Variants in GNPDA2 observed in about 807,000 individuals in gnomAD.
GNPDA2 encodes glucosamine-6-phosphate deaminase 2, also known as glcN6P deaminase 2.
Under a neutral mutation model 27.0 loss-of-function variants are expected in GNPDA2, and 24 were observed. The observed-to-expected ratio is 0.89, with a 90% confidence interval of 0.64 to 1.25. The LOEUF is 1.25. Among genes scored for constraint, GNPDA2 ranks in the 50% most tolerant of loss-of-function variants. The pLI is 0.00. For synonymous variants in GNPDA2, 94 were observed against 108.4 expected (o/e 0.87, Z 0.83); for missense variants, 286 against 335.1 (o/e 0.85, Z 1.14).
At chr4:44,703,650 G>C (rs1716411399) in intron 6 of GNPDA2, 1 of 983,756 alleles carries the variant, frequency 1.0e-6, no homozygotes, top group Non-Finnish European at 1.2e-6. Flanking sequence ...TCTACACTGA[G>C]GGAGGGTTAC....
chr4:44,704,876 A>T (rs921336010), intron 6 of GNPDA2: 1 of 983,606 alleles, frequency 1.0e-6, no homozygotes, highest in African/African-American at 1.7e-5. Context: ...ATTCATGATG[A>T]TGATGTCATA....
chr4:44,702,897 T>A lies in GNPDA2; in HGVS notation c.*184A>T, dbSNP rs574680537. The A allele has an allele frequency of 3.5e-6, 5 of 1,413,956 alleles. No homozygotes were observed. In the African/African-American group the frequency reaches 7.4e-5, roughly 21 times the overall value. The allele number at this position is 1,413,956 out of a possible 1,614,324, so 87.6% of individuals were successfully genotyped here. A position where few individuals can be genotyped will look rare whatever the true frequency, so the allele number is the denominator to read the frequency against. ...CAGTCAATCTTGAGAGCCAGCTACT[T>A]CTCTTAAACCCAAGTACAAGATATA... is the stretch of plus-strand genomic sequence containing the variant. On this transcript the variant is annotated 3_prime_UTR_variant, in exon 7 of 7. Transcript: ENST00000295448.
At chr4:44,723,967 G>A (rs1717844525) in intron 1 of GNPDA2, among the ~76,000 whole-genome samples, 1 of 152,188 alleles carries the variant, frequency 6.6e-6, no homozygotes, top group African/African-American at 2.4e-5. Context: ...TGCAGATGAA[G>A]GGATGGCCCA....
In GNPDA2 at chr4:44,712,255, C is replaced by A. The variant is rs576578141; in HGVS notation, c.410-1118G>T. 4.6e-4 allele frequency among the ~76,000 whole-genome samples: 70 copies of A among 152,150 alleles called. 1 individual carries two copies. Among genetic ancestry groups the A allele is most frequent in the Admixed American group, 4.1e-3 (62 of 15,270 alleles). The stretch of plus-strand genomic sequence containing the variant: ...CCAATTCCTTGAGTCATTAAAATAT[C>A]TTTTACATTTATATTCTGCATATTT... On this transcript the variant is annotated intron_variant, in intron 4 of 6. Transcript: ENST00000295448.
At chr4:44,710,641 T>C (rs1027213706) in intron 5 of GNPDA2, among the ~76,000 whole-genome samples, 1 of 152,174 alleles carries the variant, frequency 6.6e-6, no homozygotes, top group African/African-American at 2.4e-5. Context: ...AGTCCTGTCA[T>C]GAGACACTTT....
Position 44,702,415 on chromosome 4 carries a change from GT to G in GNPDA2, c.*665del. ...ACTTATATTAGGGACATGAACCCAA[GT>G]CGTTAAATAAAAATAAGATATTTGT... On this transcript the variant is annotated 3_prime_UTR_variant, in exon 7 of 7. Coordinates refer to ENST00000295448, the MANE Select transcript of GNPDA2 (RefSeq NM_138335.3). 1 of 974,718 alleles carries G rather than the reference GT, an allele frequency of 1.0e-6. No individual in the cohort carries two copies. The highest frequency in any genetic ancestry group is 1.2e-6 in the Non-Finnish European group (1 of 819,986). The allele number at this position is 974,718 out of a possible 1,614,324, so 60.4% of individuals were successfully genotyped here. A position where few individuals can be genotyped will look rare whatever the true frequency, so the allele number is the denominator to read the frequency against.
chr4:44,717,603 T>C (rs1235078653), intron 3 of GNPDA2, among the ~76,000 whole-genome samples: 1 of 151,818 alleles, frequency 6.6e-6, no homozygotes, highest in Non-Finnish European at 1.5e-5. Flanking sequence ...AAAGTCTAGC[T>C]CATGTGCACT....
At chr4:44,710,927 G>C in intron 5 of GNPDA2, 26 bp downstream of exon 5, 1 of 1,505,090 alleles carries the variant, frequency 6.6e-7, no homozygotes, top group Non-Finnish European at 8.9e-7. Flanking sequence ...TGAAAAGAAA[G>C]ACAGCAAAGA....
chr4:44,726,003 AC>A (rs1238530859), intron 1 of GNPDA2, among the ~76,000 whole-genome samples: 1 of 151,956 alleles, frequency 6.6e-6, no homozygotes, highest in Non-Finnish European at 1.5e-5. Flanking sequence ...ACTCAACCTG[AC>A]CTGTCCTGAA....
intron 5 of GNPDA2, 24 bp downstream of exon 5, chr4:44,710,925 AAGAC>A (rs748494433): frequency 4.0e-5 from 60 of 1,502,778 alleles, no homozygotes; most frequent in Middle Eastern, 1.8e-4. Context: ...CATGAAAAGA[AAGAC>A]AGCAAAGAAT....
chr4:44,725,681 T>C (rs761592343), intron 1 of GNPDA2, among the ~76,000 whole-genome samples: 1 of 152,168 alleles, frequency 6.6e-6, no homozygotes, highest in Non-Finnish European at 1.5e-5. Context: ...CTTCACCACA[T>C]TTAAGTTTTT....
chr4:44,718,293 T>C lies in GNPDA2; in HGVS notation c.226+16A>G. On this transcript the variant is annotated intron_variant, in intron 3 of 6. Coordinates refer to ENST00000295448, the MANE Select transcript of GNPDA2 (RefSeq NM_138335.3). ...ACATACCCAAATAATGGTCAATATA[T>C]TTAAGTATAGCTTACCTACATATTC... The C allele has an allele frequency of 1.0e-6, 1 of 980,618 alleles. No homozygotes were observed. Among genetic ancestry groups the C allele is most frequent in the South Asian group, 1.6e-5 (1 of 63,714 alleles). 60.7% of individuals were successfully genotyped at this position (980,618 alleles called of 1,614,324 possible).
At chr4:44,706,867 A>G (rs1716638328) in intron 6 of GNPDA2, 2 of 152,076 alleles carry the variant, frequency 1.3e-5, no homozygotes, top group African/African-American at 4.8e-5. Flanking sequence ...TAGAGTAAAA[A>G]AGATTAAAAG....
At position 44,718,498 on chromosome 4, in the gene GNPDA2, TTAA is replaced by T. The variant is rs1385692840; in HGVS notation, c.125-91_125-89del. 2.2e-5 allele frequency: 9 copies of T among 410,468 alleles called. No homozygotes were observed. In the South Asian group the frequency reaches 2.3e-4, roughly 11 times the overall value. The allele number at this position is 410,468 out of a possible 1,614,324, so 25.4% of individuals were successfully genotyped here. On this transcript the variant is annotated intron_variant, in intron 2 of 6. Transcript: ENST00000295448. The stretch of plus-strand genomic sequence containing the variant: ...TTAACTTTACCTGTGTTTTTCTTAC[TTAA>T]TAATATTCTGTAGTTCTGATTTATT...
intron 6 of GNPDA2, 155 bp from the exon 7 acceptor site, chr4:44,703,297 T>A: frequency 7.2e-7 from 1 of 1,393,580 alleles, no homozygotes; most frequent in Non-Finnish European, 9.3e-7. Flanking sequence ...AATAGAAATG[T>A]TTCAGAATGT....
chr4:44,715,062 C>T (rs1371344497), intron 4 of GNPDA2, among the ~76,000 whole-genome samples: 1 of 152,066 alleles, frequency 6.6e-6, no homozygotes, highest in Non-Finnish European at 1.5e-5. Flanking sequence ...ACTTATGCAA[C>T]ATCTATTTCA....
chr4:44,703,595 C>G (rs1393473272), intron 6 of GNPDA2: 3 of 982,346 alleles, frequency 3.1e-6, no homozygotes, highest in Non-Finnish European at 3.6e-6. Context: ...AAATTACTTT[C>G]CAATAGTTTG....
At chr4:44,711,584 T>C (rs1252193895) in intron 4 of GNPDA2, among the ~76,000 whole-genome samples, 1 of 152,110 alleles carries the variant, frequency 6.6e-6, no homozygotes, top group Non-Finnish European at 1.5e-5. Context: ...AGACAGGACT[T>C]GGATCTGTCT....
intron 3 of GNPDA2, 24 bp from the exon 4 acceptor site, chr4:44,717,319 A>G (rs769857572): frequency 9.4e-6 from 12 of 1,273,204 alleles, no homozygotes; most frequent in South Asian, 4.4e-5. Flanking sequence ...TAATAAAAAT[A>G]TAAGTATTCC....
Sources: allele counts gnomAD v4.1 joint callset (sites outside exome capture counted in the v4.1 genomes callset), GRCh38; gene constraint gnomAD v4.1.1; transcripts MANE v1.5; gene names NCBI Gene and HGNC (gene_info 2026-07-23, HGNC 2026-07-21).